The following CIT variants were observed in gnomAD, a reference collection of about 807,000 sequenced individuals.
CIT encodes the protein citron Rho-interacting kinase.
Under a neutral mutation model 272.7 loss-of-function variants are expected in CIT, and 79 were observed. That is an observed-to-expected ratio of 0.29 (90% confidence interval 0.24 to 0.35). CIT has a LOEUF of 0.35. Ranked by LOEUF, CIT falls within the 10% of genes least tolerant of loss-of-function variation. The pLI is 1.00. For synonymous variants in CIT, 948 were observed against 995.6 expected (o/e 0.95, Z 0.90); for missense variants, 1,909 against 2,618.3 (o/e 0.73, Z 5.91).
intron 44 of CIT, among the ~76,000 whole-genome samples, chr12:119,699,467 A>G (rs542801628): frequency 1.3e-4 from 20 of 152,346 alleles, no homozygotes; most frequent in African/African-American, 4.3e-4. Flanking sequence ...TTTTAAAGTC[A>G]TGGGCTCTGG....
chr12:119,771,554 G>A lies in CIT; in HGVS notation c.2083-644C>T, dbSNP rs79307778. Among the ~76,000 whole-genome samples, 28 of 152,272 alleles carry A rather than the reference G, an allele frequency of 1.8e-4. No individual in the cohort carries two copies. The East Asian group carries it at 5.0e-3, about 27-fold the overall frequency. On this transcript the variant is annotated intron_variant, in intron 17 of 47. Coordinates refer to ENST00000392521, the MANE Select transcript of CIT (RefSeq NM_001206999.2). Reference sequence around the variant, plus strand: ...GAAAAGCAGAAAGGTCAAAGGTTGAGGGTTTCAGGTACCAGGCTCAGGGGT... The same window carrying A: ...GAAAAGCAGAAAGGTCAAAGGTTGAAGGTTTCAGGTACCAGGCTCAGGGGT...
At chr12:119,839,335 T>C (rs967534562) in intron 5 of CIT, among the ~76,000 whole-genome samples, 1 of 152,232 alleles carries the variant, frequency 6.6e-6, no homozygotes, top group African/African-American at 2.4e-5. Context: ...CCAATTCACA[T>C]AGGGCATTAG....
At chr12:119,820,803 T>C (rs1230600815) in intron 9 of CIT, among the ~76,000 whole-genome samples, 5 of 151,730 alleles carry the variant, frequency 3.3e-5, no homozygotes, top group Non-Finnish European at 7.4e-5. Flanking sequence ...AAACCGCGTC[T>C]CTACAAATAC....
Position 119,784,364 on chromosome 12 carries a change from A to AGAC in CIT, c.1402-316_1402-314dup. The stretch of plus-strand genomic sequence containing the variant: ...GCTTTTGTTTTTGTTTTGTTTTTGC[A>AGAC]GACGTCACTTTAATTTTATCCCAAA... On this transcript the variant is annotated intron_variant, in intron 11 of 47. Transcript: ENST00000392521. This position sits in a 1 kb window ranked among gnomAD's most constrained non-coding sequence, Gnocchi z 4.7. 1 of 1,292,452 alleles carries AGAC rather than the reference A, an allele frequency of 7.7e-7. No individual in the cohort carries two copies. Among genetic ancestry groups the AGAC allele is most frequent in the Non-Finnish European group, 1.0e-6 (1 of 1,001,914 alleles). 80.1% of individuals were successfully genotyped at this position (1,292,452 alleles called of 1,614,324 possible).
chr12:119,813,669 C>T (rs1966887318), intron 9 of CIT, among the ~76,000 whole-genome samples: 1 of 152,192 alleles, frequency 6.6e-6, no homozygotes, highest in African/African-American at 2.4e-5. Context: ...CTCTGTTTCC[C>T]ATCTTCCCCC....
At position 119,832,825 on chromosome 12, in the gene CIT, T is replaced by C. The variant is rs1455046972; in HGVS notation, c.699A>G (p.Gly233=). The change falls in exon 7 of 48, where the codon GGA becomes GGG. Residue 233 remains glycine, a synonymous_variant. Coordinates refer to ENST00000392521, the MANE Select transcript of CIT (RefSeq NM_001206999.2). The part of the protein sequence containing the change: ...KPENILVDRT[G]HIKLVDFGSA... ...ATCCAAAATCCACCAGCTTGATGTGTCCTGTGCGGTCAACGAGAATGTTCT... is the reference window on the plus strand; with the variant it reads ...ATCCAAAATCCACCAGCTTGATGTGCCCTGTGCGGTCAACGAGAATGTTCT... 1 of 1,614,040 alleles carries C rather than the reference T, an allele frequency of 6.2e-7. No individual in the cohort carries two copies. The highest frequency in any genetic ancestry group is 8.5e-7 in the Non-Finnish European group (1 of 1,180,000).
At chr12:119,785,701 T>A (rs944987959) in intron 10 of CIT, among the ~76,000 whole-genome samples, 1 of 152,084 alleles carries the variant, frequency 6.6e-6, no homozygotes, top group Non-Finnish European at 1.5e-5. Context: ...TGCCTCAGCC[T>A]CCTGAGTAGT....
chr12:119,724,930 CAAAAAAAAAAAAAA>C (rs35757526), intron 28 of CIT, among the ~76,000 whole-genome samples: 5 of 44,528 alleles, frequency 1.1e-4, no homozygotes, highest in East Asian at 9.7e-4. Flanking sequence ...GACTCCATCT[CAAAAAAAAAAAAAA>C]AAAAAAAAAA....
intron 40 of CIT, among the ~76,000 whole-genome samples, chr12:119,707,164 C>G (rs1413892135): frequency 1.3e-5 from 2 of 152,162 alleles, no homozygotes; most frequent in Admixed American, 6.5e-5. Flanking sequence ...GTTCATCTCT[C>G]TCTCACAGAC....
chr12:119,732,027 G>C (rs1053134985), intron 26 of CIT, among the ~76,000 whole-genome samples: 2 of 151,798 alleles, frequency 1.3e-5, no homozygotes, highest in African/African-American at 4.8e-5. Flanking sequence ...GTAAAGACAG[G>C]ATTTCGCCAT....
At chr12:119,696,086 CTT>C (rs1199360128) in intron 46 of CIT, among the ~76,000 whole-genome samples, 1 of 152,138 alleles carries the variant, frequency 6.6e-6, no homozygotes, top group Non-Finnish European at 1.5e-5. Flanking sequence ...AACACAAAAA[CTT>C]CAAAAAATTG....
chr12:119,710,440 C>G lies in CIT; in HGVS notation c.4936-54G>C. ...CATAAGCACGGTCACGTCACCAGAACAATCTCTAGTAAGAGCAACAAGGCC... is the reference window on the plus strand; with the variant it reads ...CATAAGCACGGTCACGTCACCAGAAGAATCTCTAGTAAGAGCAACAAGGCC... On this transcript the variant is annotated intron_variant, in intron 38 of 47. Transcript: ENST00000392521. The surrounding 1 kb of genome is among the most constrained non-coding windows in gnomAD (Gnocchi z 5.6). 1 of 1,613,238 alleles carries G rather than the reference C, an allele frequency of 6.2e-7. No individual in the cohort carries two copies. Among genetic ancestry groups the G allele is most frequent in the Non-Finnish European group, 8.5e-7 (1 of 1,179,442 alleles).
chr12:119,722,803 T>C (rs139123990), intron 28 of CIT, among the ~76,000 whole-genome samples: 4 of 152,310 alleles, frequency 2.6e-5, no homozygotes, highest in Middle Eastern at 3.4e-3. Context: ...CCTTTGTCCT[T>C]CTTTCTTCCC....
Position 119,710,709 on chromosome 12 carries a change from T to C in CIT, c.4855-89A>G. 8.0e-7 allele frequency: 1 copy of C among 1,254,418 alleles called. No individual in the cohort carries two copies. The highest frequency in any genetic ancestry group is 1.2e-6 in the Non-Finnish European group (1 of 858,130). The allele number at this position is 1,254,418 out of a possible 1,614,324, so 77.7% of individuals were successfully genotyped here. On this transcript the variant is annotated intron_variant, in intron 37 of 47. Coordinates refer to ENST00000392521, the MANE Select transcript of CIT (RefSeq NM_001206999.2). This position sits in a 1 kb window ranked among gnomAD's most constrained non-coding sequence, Gnocchi z 5.6. ...ACCATCCAGAGAAACCAAGAGAAGG[T>C]TAAGGCCAAGTTATTCCTGGAAATG...
chr12:119,773,042 G>A (rs1963350124), intron 16 of CIT, 132 bp from the exon 17 acceptor site: 2 of 833,816 alleles, frequency 2.4e-6, no homozygotes, highest in South Asian at 7.0e-5. Context: ...GATAGTGACA[G>A]TGTCCTAAAT....
chr12:119,815,664 C>T (rs148412667), intron 9 of CIT, among the ~76,000 whole-genome samples: 64 of 152,110 alleles, frequency 4.2e-4, no homozygotes, highest in African/African-American at 1.5e-3. Flanking sequence ...CGAGATCACG[C>T]CATTGCACTC....
Position 119,687,532 on chromosome 12 carries a change from G to A in CIT, c.*700C>T, listed in dbSNP as rs372557090. The stretch of plus-strand genomic sequence containing the variant: ...GATGACCTCCATACATTCTCAGCTG[G>A]TGGGAGGGGAAGTCGTCAAGGCCAT... On this transcript the variant is annotated 3_prime_UTR_variant, in exon 48 of 48. Coordinates refer to ENST00000392521, the MANE Select transcript of CIT (RefSeq NM_001206999.2). 6.5e-6 allele frequency: 1 copy of A among 152,724 alleles called. No homozygotes were observed. Among genetic ancestry groups the A allele is most frequent in the African/African-American group, 2.4e-5 (1 of 41,552 alleles). The allele number at this position is 152,724 out of a possible 1,614,324, so 9.5% of individuals were successfully genotyped here.
intron 13 of CIT, among the ~76,000 whole-genome samples, chr12:119,780,566 G>A (rs1381487210): frequency 2.0e-5 from 3 of 152,106 alleles, no homozygotes; most frequent in East Asian, 1.9e-4. Context: ...GCAGTGAGCC[G>A]AAACTGCACC....
chr12:119,816,971 C>T (rs1967245100), intron 9 of CIT, among the ~76,000 whole-genome samples: 2 of 152,184 alleles, frequency 1.3e-5, no homozygotes, highest in African/African-American at 4.8e-5. Flanking sequence ...AATTATCTGG[C>T]CCCAAATGTC....
Sources: gnomAD v4.1 joint callset for allele counts (sites outside exome capture counted in the v4.1 genomes callset) on GRCh38, gnomAD v4.1.1 for gene constraint, Gnocchi (gnomAD v3.1) non-coding constraint, MANE v1.5 for transcripts, NCBI Gene and HGNC (gene_info 2026-07-23, HGNC 2026-07-21) for gene names.